Variants in VSTM2A observed in about 807,000 individuals in gnomAD.
VSTM2A encodes V-set and transmembrane domain-containing protein 2A.
VSTM2A carries 13 observed loss-of-function variants against 27.3 expected under a neutral mutation model. That is an observed-to-expected ratio of 0.48 (90% CI 0.31 to 0.76). The LOEUF is 0.76. VSTM2A is among the 30% of genes least tolerant of loss of function. The pLI is 0.05. For synonymous variants in VSTM2A, 142 were observed against 125.7 expected, an observed-to-expected ratio of 1.13 and a Z score of -0.87; for missense variants, 280 against 310.0, an observed-to-expected ratio of 0.90 and a Z score of 0.73.
rs1788019142 is a variant in VSTM2A at position 54,546,979 on chromosome 7, C to T, written c.279C>T (p.Ser93=). The change falls in exon 3 of 5, where the codon AGC becomes AGT. Residue 93 remains serine, a synonymous_variant. Transcript: ENST00000402613. The part of the protein sequence containing the change: ...VELLPDRDPD[S]DGTKISTVKV... ...TCTTGCCCGACAGAGACCCGGACAG[C>T]GACGGGACCAAGATCAGCGTGAGTG... 1 of 1,591,700 alleles carries T rather than the reference C, an allele frequency of 6.3e-7. No individual in the cohort carries two copies.
rs374033826 is a variant in VSTM2A, at chr7:54,542,816, C to G, written c.79+7C>G. 2.9e-5 allele frequency: 47 copies of G among 1,612,584 alleles called. No homozygotes were observed. Among genetic ancestry groups the G allele is most frequent in the Non-Finnish European group, 3.9e-5 (46 of 1,179,180 alleles). ...CAAGGGCTTTCTTCTCAAGGTAAGT[C>G]TTGCTCAATGGCAAATATACATTTG... On this transcript the variant is annotated splice_region_variant and intron_variant, in intron 1 of 4. Coordinates refer to ENST00000402613, the MANE Select transcript of VSTM2A (RefSeq NM_001301009.2).
intron 4 of VSTM2A, among the ~76,000 whole-genome samples, chr7:54,566,505 A>G (rs924135695): frequency 2.6e-5 from 4 of 152,198 alleles, no homozygotes; most frequent in Non-Finnish European, 5.9e-5. Context: ...AGAGATTACA[A>G]CTAGCTATTA....
chr7:54,549,714 C>A, intron 3 of VSTM2A, 120 bp from the exon 4 acceptor site: 2 of 918,964 alleles, frequency 2.2e-6, no homozygotes, highest in Non-Finnish European at 3.2e-6. Flanking sequence ...AGCTCCTTCA[C>A]TATGGCTATG....
At chr7:54,568,991 T>A (rs1332547431) in intron 4 of VSTM2A, 140 bp from the exon 5 acceptor site, 1 of 1,581,982 alleles carries the variant, frequency 6.3e-7, no homozygotes, top group Admixed American at 1.8e-5. Flanking sequence ...AGCGAATATC[T>A]TATAACTTCT....
intron 4 of VSTM2A, among the ~76,000 whole-genome samples, chr7:54,555,889 G>C (rs1260528893): frequency 6.6e-6 from 1 of 152,178 alleles, no homozygotes; most frequent in Admixed American, 6.5e-5. Context: ...ACCTATGCCA[G>C]ACTCATCAGG....
At chr7:54,568,172 A>C (rs1788780045) in intron 4 of VSTM2A, among the ~76,000 whole-genome samples, 2 of 152,218 alleles carry the variant, frequency 1.3e-5, no homozygotes, top group Admixed American at 1.3e-4. Flanking sequence ...TATTTATTCT[A>C]CATATAGTGA....
At chr7:54,562,341 C>A (rs949867923) in intron 4 of VSTM2A, among the ~76,000 whole-genome samples, 1 of 152,036 alleles carries the variant, frequency 6.6e-6, no homozygotes, top group African/African-American at 2.4e-5. Context: ...TCTTTTTCTT[C>A]TATTTTTTTC....
rs1416727991 is a variant in VSTM2A at position 54,550,151 on chromosome 7, C to G, written c.615C>G (p.Pro205=). The G allele has an allele frequency of 6.2e-7, 1 of 1,600,404 alleles. No homozygotes were observed. Among genetic ancestry groups the G allele is most frequent in the South Asian group, 1.1e-5 (1 of 88,400 alleles). Residue 205 remains proline, a synonymous_variant, in exon 4 of 5, where the codon CCC becomes CCG. Coordinates refer to ENST00000402613, the MANE Select transcript of VSTM2A (RefSeq NM_001301009.2). ...GCCCTCAAGTGGTAGCCAAAATCCC[C>G]AAACAAAGTCCACAATCAGGTATGG... ...TSSPQVVAKI[P]KQSPQSAKSK... is the part of the protein sequence containing the mutation.
At chr7:54,563,163 A>T (rs2115916019) in intron 4 of VSTM2A, among the ~76,000 whole-genome samples, 1 of 152,292 alleles carries the variant, frequency 6.6e-6, no homozygotes, top group East Asian at 1.9e-4. Flanking sequence ...TAATAAGCAG[A>T]ATTAGGAAAG....
At chr7:54,566,811 T>A (rs1449708621) in intron 4 of VSTM2A, among the ~76,000 whole-genome samples, 1 of 152,232 alleles carries the variant, frequency 6.6e-6, no homozygotes, top group Non-Finnish European at 1.5e-5. Context: ...CTGACGGCAA[T>A]CCTGGCTCTG....
intron 3 of VSTM2A, 70 bp from the exon 4 acceptor site, chr7:54,549,764 T>C: frequency 2.9e-6 from 4 of 1,400,746 alleles, no homozygotes; most frequent in Non-Finnish European, 3.8e-6. Flanking sequence ...ATTAGCAAGC[T>C]CAGGGTAAAA....
intron 4 of VSTM2A, chr7:54,558,755 A>G (rs1243733751): frequency 1.3e-5 from 2 of 152,120 alleles, no homozygotes; most frequent in African/African-American, 4.8e-5. Flanking sequence ...AATAATGCCA[A>G]AAGGAGACAT....
chr7:54,552,875 G>A (rs746725197), intron 4 of VSTM2A, among the ~76,000 whole-genome samples: 2 of 152,136 alleles, frequency 1.3e-5, no homozygotes, highest in Non-Finnish European at 2.9e-5. Flanking sequence ...AAGCTGGCCC[G>A]TTTGGCCCTT....
intron 4 of VSTM2A, among the ~76,000 whole-genome samples, chr7:54,561,224 G>A (rs1350523749): frequency 2.0e-5 from 3 of 152,298 alleles, no homozygotes; most frequent in Admixed American, 6.5e-5. Context: ...TGAACTTTGG[G>A]TGTCATTGCA....
At chr7:54,546,532 G>GC (rs1165396480) in intron 2 of VSTM2A, 3 of 168,200 alleles carry the variant, frequency 1.8e-5, no homozygotes, top group Non-Finnish European at 3.7e-5. Context: ...CACCCCTGGC[G>GC]CCCGCCCGCC....
intron 3 of VSTM2A, 42 bp downstream of exon 3, chr7:54,547,039 GA>G: frequency 6.4e-7 from 1 of 1,553,086 alleles, no homozygotes; most frequent in African/African-American, 1.4e-5. Context: ...CCAGGCTCGG[GA>G]CGCACAGCCC....
chr7:54,570,960 C>T lies in VSTM2A; in HGVS notation c.*1741C>T, dbSNP rs1299149706. On this transcript the variant is annotated 3_prime_UTR_variant, in exon 5 of 5. Coordinates refer to ENST00000402613, the MANE Select transcript of VSTM2A (RefSeq NM_001301009.2). ...TATTTTCATAATATTCTTGACATTACCTGAGAAATAATACTTCATGCTAAA... is the reference window on the plus strand; with the variant it reads ...TATTTTCATAATATTCTTGACATTATCTGAGAAATAATACTTCATGCTAAA... The T allele has an allele frequency of 1.3e-5, 2 of 152,096 alleles. No homozygotes were observed. The highest frequency in any genetic ancestry group is 2.9e-5 in the Non-Finnish European group (2 of 68,004). The allele number at this position is 152,096 out of a possible 1,614,324, so 9.4% of individuals were successfully genotyped here. A position where few individuals can be genotyped will look rare whatever the true frequency, so the allele number is the denominator to read the frequency against.
chr7:54,550,202 A>AC (rs569918502), intron 4 of VSTM2A, 32 bp downstream of exon 4: 1 of 1,563,590 alleles, frequency 6.4e-7, no homozygotes, highest in South Asian at 1.2e-5. Context: ...CTTTTATTTT[A>AC]CCACTCACAA....
At chr7:54,551,984 A>G (rs2115831417) in intron 4 of VSTM2A, 1 of 152,362 alleles carries the variant, frequency 6.6e-6, no homozygotes, top group South Asian at 2.1e-4. Context: ...GGGTTTAATA[A>G]TGCAATCTCA....
Sources: gnomAD v4.1 joint callset for allele counts (sites outside exome capture counted in the v4.1 genomes callset) on GRCh38, gnomAD v4.1.1 for gene constraint, MANE v1.5 for transcripts, NCBI Gene and HGNC (gene_info 2026-07-23, HGNC 2026-07-21) for gene names.